Variants in ATP10B observed in about 807,000 individuals in gnomAD.
ATP10B encodes ATPase phospholipid transporting 10B (putative).
A neutral mutation model predicts 141.2 loss-of-function variants in ATP10B; 122 were observed. The ratio of observed to expected loss-of-function variants is 0.86; its 90% CI spans 0.75 to 1.00. ATP10B has a LOEUF of 1.00. Among genes scored for constraint, ATP10B ranks in the 50% least tolerant of loss-of-function variants. ATP10B has a pLI of 0.00. For synonymous variants in ATP10B, 685 were observed against 692.0 expected, an observed-to-expected ratio of 0.99 and a Z score of 0.16; for missense variants, 1,876 against 1,825.3, an observed-to-expected ratio of 1.03 and a Z score of -0.51.
chr5:160,894,009 A>T, the ATP10B span, among the ~76,000 whole-genome samples: 9 of 152,208 alleles, frequency 5.9e-5, no homozygotes, highest in Non-Finnish European at 1.0e-4. Flanking sequence ...CATCAATAAA[A>T]AGGACGTCCA....
At chr5:160,860,705 A>G in the ATP10B span, among the ~76,000 whole-genome samples, 1 of 151,994 alleles carries the variant, frequency 6.6e-6, no homozygotes, top group Non-Finnish European at 1.5e-5. Flanking sequence ...CAGTGCTCCA[A>G]AACCAGATAT....
At chr5:160,566,518 G>A (rs72816383) in intron 25 of ATP10B, among the ~76,000 whole-genome samples, 2,686 of 152,262 alleles carry the variant, frequency 0.018, 40 homozygotes, top group Non-Finnish European at 0.023. Context: ...GCCCCAAGAG[G>A]TGAGGTGAGA....
chr5:160,880,641 A>G, the ATP10B span, among the ~76,000 whole-genome samples: 1 of 152,212 alleles, frequency 6.6e-6, no homozygotes, highest in Non-Finnish European at 1.5e-5. Context: ...AGACCCATGT[A>G]TATATACAAT....
the ATP10B span, among the ~76,000 whole-genome samples, chr5:160,877,905 A>G: frequency 6.6e-6 from 1 of 150,644 alleles, no homozygotes; most frequent in African/African-American, 2.4e-5. Flanking sequence ...ATGGAAGAAC[A>G]TTCCATGCTC....
At chr5:160,589,201 G>A (rs1456607920) in intron 24 of ATP10B, among the ~76,000 whole-genome samples, 2 of 152,012 alleles carry the variant, frequency 1.3e-5, no homozygotes, top group Non-Finnish European at 2.9e-5. Context: ...TAGTAGAGAC[G>A]GGATTTCACC....
At chr5:160,832,963 C>T (rs192116348) in intron 1 of ATP10B, among the ~76,000 whole-genome samples, 1 of 152,140 alleles carries the variant, frequency 6.6e-6, no homozygotes, top group Non-Finnish European at 1.5e-5. Context: ...CACTCTCCAA[C>T]CCTTTTCATG....
At chr5:160,787,276 T>A (rs1204158299) in intron 1 of ATP10B, among the ~76,000 whole-genome samples, 1 of 152,164 alleles carries the variant, frequency 6.6e-6, no homozygotes, top group East Asian at 1.9e-4. Flanking sequence ...ACAAGCTGAA[T>A]CTGAGTGGTG....
upstream of ATP10B, among the ~76,000 whole-genome samples, chr5:160,852,552 G>A (rs771779176): frequency 3.9e-5 from 6 of 152,116 alleles, no homozygotes; most frequent in Non-Finnish European, 7.4e-5. Flanking sequence ...TTATATGCAT[G>A]CTGATGATGA....
At chr5:160,895,746 T>C in the ATP10B span, among the ~76,000 whole-genome samples, 1 of 152,206 alleles carries the variant, frequency 6.6e-6, no homozygotes, top group Non-Finnish European at 1.5e-5. Context: ...AGAATATACA[T>C]TCTTCTCAGC....
At chr5:160,876,428 A>C in the ATP10B span, among the ~76,000 whole-genome samples, 1 of 150,806 alleles carries the variant, frequency 6.6e-6, no homozygotes, top group Non-Finnish European at 1.5e-5. Flanking sequence ...CCACAAGAGA[A>C]AGCAGGAAAC....
At chr5:160,863,024 T>C in the ATP10B span, among the ~76,000 whole-genome samples, 28 of 152,012 alleles carry the variant, frequency 1.8e-4, no homozygotes, top group Non-Finnish European at 2.2e-4. Context: ...ATATGATTAT[T>C]CACCTCTAAA....
chr5:160,868,521 TACACAC>T, the ATP10B span, among the ~76,000 whole-genome samples: 602 of 130,372 alleles, frequency 4.6e-3, no homozygotes, highest in Middle Eastern at 7.7e-3. Flanking sequence ...TATGAACAGA[TACACAC>T]ACACACACAC....
At chr5:160,759,057 CA>C (rs1239681590) in intron 2 of ATP10B, among the ~76,000 whole-genome samples, 9 of 151,822 alleles carry the variant, frequency 5.9e-5, no homozygotes, top group African/African-American at 1.7e-4. Context: ...ACACAATCCA[CA>C]AAAAAATATT....
intron 6 of ATP10B, among the ~76,000 whole-genome samples, chr5:160,682,759 G>A (rs931031483): frequency 5.9e-5 from 9 of 152,106 alleles, no homozygotes; most frequent in Non-Finnish European, 1.2e-4. Context: ...TGCTTTCTCG[G>A]CCGGGCGCGG....
intron 1 of ATP10B, among the ~76,000 whole-genome samples, chr5:160,811,874 C>T (rs1030594104): frequency 1.3e-5 from 2 of 152,096 alleles, no homozygotes; most frequent in African/African-American, 4.8e-5. Flanking sequence ...GTAGTAGTTA[C>T]ACTAGGCTTG....
chr5:160,760,810 A>G (rs1270876927), intron 2 of ATP10B, among the ~76,000 whole-genome samples: 1 of 152,092 alleles, frequency 6.6e-6, no homozygotes, highest in Non-Finnish European at 1.5e-5. Flanking sequence ...CCTTGGGAAC[A>G]TAACTCCATT....
intron 2 of ATP10B, among the ~76,000 whole-genome samples, chr5:160,731,815 AAAAC>A (rs1187038363): frequency 6.6e-6 from 1 of 152,220 alleles, no homozygotes; most frequent in East Asian, 1.9e-4. Flanking sequence ...AGATGAACTA[AAAAC>A]AAACAAATAT....
chr5:160,894,583 G>A, the ATP10B span, among the ~76,000 whole-genome samples: 12 of 152,248 alleles, frequency 7.9e-5, no homozygotes, highest in African/African-American at 2.9e-4. Context: ...TTTGATTGGT[G>A]CACCTGAAAG....
intron 2 of ATP10B, among the ~76,000 whole-genome samples, chr5:160,726,177 C>T (rs551067487): frequency 6.6e-6 from 1 of 152,092 alleles, no homozygotes; most frequent in Non-Finnish European, 1.5e-5. Context: ...CAATGTCACT[C>T]TGGGGTGCTT....
Sources: allele counts gnomAD v4.1 joint callset (sites outside exome capture counted in the v4.1 genomes callset), GRCh38; gene constraint gnomAD v4.1.1; transcripts MANE v1.5; gene names NCBI Gene and HGNC (gene_info 2026-07-23, HGNC 2026-07-21).